The following STOML3 variants were observed in gnomAD, a reference collection of about 807,000 sequenced individuals.
STOML3 encodes the protein stomatin-like protein 3.
Under a neutral mutation model 29.5 loss-of-function variants are expected in STOML3, and 31 were observed. The ratio of observed to expected loss-of-function variants is 1.05; its 90% confidence interval spans 0.79 to 1.42. The LOEUF is 1.42. STOML3 is among the 40% of genes most tolerant of loss of function. STOML3 has a pLI of 0.00. For missense variants in STOML3, 380 were observed against 363.0 expected, an observed-to-expected ratio of 1.05 and a Z score of -0.38; for synonymous variants, 122 against 139.8, an observed-to-expected ratio of 0.87 and a Z score of 0.90.
intron 1 of STOML3, among the ~76,000 whole-genome samples, chr13:38,981,004 C>G (rs1881251308): frequency 1.3e-5 from 2 of 152,200 alleles, no homozygotes; most frequent in Non-Finnish European, 2.9e-5. Flanking sequence ...TCAATACCTT[C>G]CTTTCAATCT....
At chr13:38,988,204 T>C (rs1454907099) in intron 1 of STOML3, among the ~76,000 whole-genome samples, 3 of 84,538 alleles carry the variant, frequency 3.5e-5, no homozygotes, top group Non-Finnish European at 3.8e-5. Context: ...TTATATTTCA[T>C]ATAAAATATA....
Position 38,965,944 on chromosome 13 carries a change from A to C in STOML3, c.*881T>G, listed in dbSNP as rs1593494281. 2.0e-5 allele frequency: 3 copies of C among 152,174 alleles called. No individual in the cohort carries two copies. Among genetic ancestry groups the C allele is most frequent in the African/African-American group, 4.8e-5 (2 of 41,448 alleles). The allele number at this position is 152,174 out of a possible 1,614,324, so 9.4% of individuals were successfully genotyped here. A position where few individuals can be genotyped will look rare whatever the true frequency, so the allele number is the denominator to read the frequency against. Reference sequence around the variant, plus strand: ...AAAAAGTAACTTTTGAAATTCATTTATATTCTATGCCTTCTTTGTTTTGAA... The same window carrying C: ...AAAAAGTAACTTTTGAAATTCATTTCTATTCTATGCCTTCTTTGTTTTGAA... On this transcript the variant is annotated 3_prime_UTR_variant, in exon 7 of 7. Coordinates refer to ENST00000379631, the MANE Select transcript of STOML3 (RefSeq NM_145286.3).
rs762844785 is a variant in STOML3 at position 38,970,173 on chromosome 13, T to C, written c.516+12A>G. ...GTTAAAGATACAGGCTATTAGTTCA[T>C]GGTGTCTTTACCTGGATGCTATGGG... is the stretch of plus-strand genomic sequence containing the variant. On this transcript the variant is annotated intron_variant, in intron 5 of 6. Coordinates refer to ENST00000379631, the MANE Select transcript of STOML3 (RefSeq NM_145286.3). 2 of 1,606,250 alleles carry C rather than the reference T, an allele frequency of 1.2e-6. No homozygotes were observed. Among genetic ancestry groups the C allele is most frequent in the Non-Finnish European group, 1.7e-6 (2 of 1,174,698 alleles).
At chr13:38,978,375 A>G (rs1881165448) in intron 1 of STOML3, among the ~76,000 whole-genome samples, 1 of 151,722 alleles carries the variant, frequency 6.6e-6, no homozygotes, top group Non-Finnish European at 1.5e-5. Flanking sequence ...GCTGGTGTCG[A>G]ACTCCTGACC....
At chr13:38,976,669 C>A (rs778991278) in intron 2 of STOML3, 25 bp downstream of exon 2, 3 of 1,613,810 alleles carry the variant, frequency 1.9e-6, no homozygotes, top group Non-Finnish European at 2.5e-6. Flanking sequence ...ATATAGATAG[C>A]CCAGTTTATT....
chr13:38,977,731 T>C (rs1008966837), intron 1 of STOML3, among the ~76,000 whole-genome samples: 13 of 151,016 alleles, frequency 8.6e-5, no homozygotes, highest in East Asian at 3.9e-4. Flanking sequence ...ATCAATTATA[T>C]AATTTCTGAA....
chr13:38,977,525 T>A (rs1047516476), intron 1 of STOML3, among the ~76,000 whole-genome samples: 15 of 152,194 alleles, frequency 9.9e-5, no homozygotes, highest in African/African-American at 3.4e-4. Context: ...AGGGACTTGT[T>A]GTCAGATGTT....
rs116362041 is a variant in STOML3, at chr13:38,970,199, C to T, written c.502G>A (p.Ala168Thr). The change falls in exon 5 of 7, where the codon GCC (alanine) becomes ACC (threonine). Residue 168 changes from alanine (A) to threonine (T), a missense_variant. Ala to Thr is a moderately conservative substitution (Grantham distance 58, BLOSUM62 0). Coordinates refer to ENST00000379631, the MANE Select transcript of STOML3 (RefSeq NM_145286.3). ...GGTGTCTTTACCTGGATGCTATGGG[C>T]GATCTCTTCTCGTCCAGCTAAGATC... ...SQILAGREEI[A>T]HSIQTLLDDA... The T allele has an allele frequency of 1.4e-3, 2,237 of 1,612,786 alleles. 26 individuals are homozygous for T. The African/African-American group carries it at 0.026, about 19-fold the overall frequency.
chr13:38,975,023 CAAGT>C (rs1254664499), intron 3 of STOML3, among the ~76,000 whole-genome samples: 2 of 152,002 alleles, frequency 1.3e-5, no homozygotes, highest in Non-Finnish European at 1.5e-5. Flanking sequence ...TGAAATTAGA[CAAGT>C]AAGATTATAC....
At chr13:38,969,810 T>C (rs1181028514) in intron 5 of STOML3, among the ~76,000 whole-genome samples, 1 of 152,170 alleles carries the variant, frequency 6.6e-6, no homozygotes, top group Non-Finnish European at 1.5e-5. Context: ...TCACACTTTA[T>C]TTAAATATAT....
chr13:38,968,309 T>G, intron 6 of STOML3, 91 bp downstream of exon 6: 1 of 1,517,550 alleles, frequency 6.6e-7, no homozygotes, highest in Non-Finnish European at 8.9e-7. Context: ...ATGCAAATAA[T>G]TGACAGACCC....
In STOML3 at chr13:38,966,987, C is replaced by A. The variant is rs146726782; in HGVS notation, c.714G>T (p.Leu238=). 5.3e-5 allele frequency: 86 copies of A among 1,613,962 alleles called. No individual in the cohort carries two copies. Among genetic ancestry groups the A allele is most frequent in the Non-Finnish European group, 8.5e-6 (10 of 1,180,012 alleles). Residue 238 remains leucine (L), a synonymous_variant, in exon 7 of 7, where the codon CTG becomes CTT. Transcript: ENST00000379631. ...SKSLKSASMV[L]AESPIALQLR... ...GCTGGAGAGCTATGGGAGACTCAGC[C>A]AGCACCATGGAGGCTGACTTCAGGG...
At position 38,980,062 on chromosome 13, in the gene STOML3, G is replaced by A. The variant is rs141847604; in HGVS notation, c.53-3265C>T. On this transcript the variant is annotated intron_variant, in intron 1 of 6. Transcript: ENST00000379631. ...GAAAATCGCACTGACCTACAAGCTC[G>A]CCTCTGGAGTTCATCAAGCCCTTGC... 1.0e-3 allele frequency: 1,590 copies of A among 1,551,636 alleles called. 18 individuals carry two copies. In the African/African-American group the frequency reaches 0.019, roughly 19 times the overall value.
intron 1 of STOML3, among the ~76,000 whole-genome samples, chr13:38,988,623 A>AAT (rs1479256223): frequency 8.0e-6 from 1 of 124,390 alleles, no homozygotes; most frequent in South Asian, 2.2e-4. Context: ...TTTTATATAT[A>AAT]ATATATTATA....
chr13:38,976,665 A>G, intron 2 of STOML3, 29 bp downstream of exon 2: 1 of 1,614,006 alleles, frequency 6.2e-7, no homozygotes, highest in South Asian at 1.1e-5. Flanking sequence ...GTTCATATAG[A>G]TAGCCCAGTT....
intron 3 of STOML3, among the ~76,000 whole-genome samples, chr13:38,975,502 C>T (rs573489979): frequency 1.3e-5 from 2 of 152,058 alleles, no homozygotes; most frequent in African/African-American, 4.8e-5. Flanking sequence ...ACCTTCCAGT[C>T]GCAGAGAGAA....
At chr13:38,989,378 C>T (rs1051644299) in intron 1 of STOML3, among the ~76,000 whole-genome samples, 14 of 152,182 alleles carry the variant, frequency 9.2e-5, no homozygotes, top group Admixed American at 2.0e-4. Flanking sequence ...TGAGATCTCC[C>T]GCTTGCATTT....
At position 38,971,427 on chromosome 13, in the gene STOML3, G is replaced by A. The variant is rs576913663; in HGVS notation, c.313-1039C>T. Among the ~76,000 whole-genome samples the A allele has an allele frequency of 8.5e-5, 13 of 152,234 alleles. No individual in the cohort carries two copies. In the East Asian group the frequency reaches 2.5e-3, roughly 29 times the overall value. On this transcript the variant is annotated intron_variant, in intron 4 of 6. Transcript: ENST00000379631. ...GTTGAGTTTCCTGAACCAGACAGAA[G>A]AAAATTAACATATATTTATAAATGT...
chr13:38,974,978 A>G (rs1881016213), intron 3 of STOML3, among the ~76,000 whole-genome samples: 1 of 152,148 alleles, frequency 6.6e-6, no homozygotes, highest in South Asian at 2.1e-4. Context: ...GAACATCTAT[A>G]AGTAGTTTTT....
Sources: gnomAD v4.1 joint callset for allele counts (sites outside exome capture counted in the v4.1 genomes callset) on GRCh38, gnomAD v4.1.1 for gene constraint, MANE v1.5 for transcripts, NCBI Gene and HGNC (gene_info 2026-07-23, HGNC 2026-07-21) for gene names.